Variants in GGACT observed in about 807,000 individuals in gnomAD.
The protein encoded by GGACT is gamma-glutamylamine cyclotransferase, also known as gamma-glutamylaminecyclotransferase.
For missense variants in GGACT, 241 were observed against 233.2 expected (o/e 1.03, Z -0.22); for synonymous variants, 118 against 115.3 (o/e 1.02, Z -0.15).
At position 100,530,644 on chromosome 13, in the gene GGACT, G is replaced by T; in HGVS notation, c.*1486C>A. ...AAGTGAGGCCCTCACTCCTGGTGCT[G>T]ATTTTCAAAACTTCCTAAGGACCAG... is the stretch of plus-strand genomic sequence containing the variant. On this transcript the variant is annotated 3_prime_UTR_variant, in exon 3 of 3. Transcript: ENST00000683975. The T allele has an allele frequency of 4.2e-6, 1 of 239,056 alleles. No homozygotes were observed. Among genetic ancestry groups the T allele is most frequent in the Non-Finnish European group, 8.2e-6 (1 of 121,740 alleles). The allele number at this position is 239,056 out of a possible 1,614,324, so 14.8% of individuals were successfully genotyped here. A position where few individuals can be genotyped will look rare whatever the true frequency, so the allele number is the denominator to read the frequency against.
At chr13:100,570,291 G>A (rs763328644) in intron 2 of GGACT, among the ~76,000 whole-genome samples, 2 of 152,196 alleles carry the variant, frequency 1.3e-5, no homozygotes, top group Non-Finnish European at 2.9e-5. Flanking sequence ...ATAAAAGGAA[G>A]AGGTTTAATC....
chr13:100,551,479 C>A (rs2088664238), intron 2 of GGACT, among the ~76,000 whole-genome samples: 1 of 152,196 alleles, frequency 6.6e-6, no homozygotes, highest in Non-Finnish European at 1.5e-5. Flanking sequence ...CCCCTCGGCT[C>A]CCAGGAACTT....
At position 100,531,182 on chromosome 13, in the gene GGACT, G is replaced by C. The variant is rs1207850537; in HGVS notation, c.*948C>G. 6.6e-6 allele frequency: 1 copy of C among 152,252 alleles called. No individual in the cohort carries two copies. The highest frequency in any genetic ancestry group is 2.4e-5 in the African/African-American group (1 of 41,458). The allele number at this position is 152,252 out of a possible 1,614,324, so 9.4% of individuals were successfully genotyped here. The stretch of plus-strand genomic sequence containing the variant: ...GAAGCAGAAGCAAGAGCCGTGCACC[G>C]AGTTGAATCGATGCTGACAATTATC... On this transcript the variant is annotated 3_prime_UTR_variant, in exon 3 of 3. Transcript: ENST00000683975.
intron 2 of GGACT, among the ~76,000 whole-genome samples, chr13:100,558,846 G>A (rs1224069416): frequency 1.3e-5 from 2 of 152,138 alleles, no homozygotes; most frequent in Admixed American, 6.5e-5. Flanking sequence ...GAGAGGGGAT[G>A]GAGAGAGGTT....
At chr13:100,537,982 A>T (rs2088513504) in intron 2 of GGACT, 1 of 152,236 alleles carries the variant, frequency 6.6e-6, no homozygotes, top group East Asian at 1.9e-4. Flanking sequence ...GTTTCTGAAG[A>T]AGGCTAATTC....
chr13:100,575,719 A>G (rs2153016680), intron 2 of GGACT, among the ~76,000 whole-genome samples: 1 of 152,282 alleles, frequency 6.6e-6, no homozygotes, highest in South Asian at 2.1e-4. Context: ...AGCTGTGACT[A>G]TGCCATTGCA....
intron 2 of GGACT, among the ~76,000 whole-genome samples, chr13:100,579,859 G>C (rs1351644929): frequency 6.6e-6 from 1 of 152,090 alleles, no homozygotes; most frequent in Non-Finnish European, 1.5e-5. Context: ...TTTGTCATTG[G>C]GGTGTCAGCC....
intron 2 of GGACT, among the ~76,000 whole-genome samples, chr13:100,565,643 C>T (rs796199404): frequency 2.6e-5 from 4 of 152,270 alleles, no homozygotes; most frequent in African/African-American, 9.6e-5. Flanking sequence ...TTTCTTCTTC[C>T]CCACTCAATT....
In GGACT at chr13:100,532,215, G is replaced by A. The variant is rs978763139; in HGVS notation, c.377C>T (p.Pro126Leu). The change falls in exon 3 of 3, where the codon CCG (proline) becomes CTG (leucine). Residue 126 changes from proline (P) to leucine (L), a missense_variant. Pro to Leu is a moderately conservative substitution (Grantham distance 98, BLOSUM62 -3). Transcript: ENST00000683975. ...CFVYSRATFP[P>L]EWAQLPHHDS... ...ATGGTGCGGGAGCTGGGCCCACTCCGGCGGGAAGGTGGCCCTGCTGTACAC... is the reference window on the plus strand; with the variant it reads ...ATGGTGCGGGAGCTGGGCCCACTCCAGCGGGAAGGTGGCCCTGCTGTACAC... The A allele has an allele frequency of 4.7e-6, 7 of 1,482,832 alleles. No homozygotes were observed. Among genetic ancestry groups the A allele is most frequent in the East Asian group, 2.5e-5 (1 of 40,106 alleles). 91.9% of individuals were successfully genotyped at this position (1,482,832 alleles called of 1,614,324 possible). A position where few individuals can be genotyped will look rare whatever the true frequency, so the allele number is the denominator to read the frequency against.
chr13:100,572,980 C>A (rs563596188), intron 2 of GGACT, among the ~76,000 whole-genome samples: 73 of 152,162 alleles, frequency 4.8e-4, no homozygotes, highest in African/African-American at 1.7e-3. Context: ...TTTATTAATA[C>A]CCTTGGAGAA....
At chr13:100,551,158 C>A (rs867487428) in intron 2 of GGACT, among the ~76,000 whole-genome samples, 1 of 152,016 alleles carries the variant, frequency 6.6e-6, no homozygotes, top group Non-Finnish European at 1.5e-5. Context: ...GTGGCGGGCG[C>A]CTGTGGTCCC....
In GGACT at chr13:100,540,221, G is replaced by A. The variant is rs1429534358; in HGVS notation, c.-10-7620C>T. The A allele has an allele frequency of 1.5e-5, 21 of 1,415,454 alleles. No individual in the cohort carries two copies. In the Admixed American group the frequency reaches 2.7e-4, roughly 18 times the overall value. 87.7% of individuals were successfully genotyped at this position (1,415,454 alleles called of 1,614,324 possible). ...ACGTGGCCGCGGCCCTTTTTGGCACGACCATTGTTCCTTCTTTTCTTTGTC... is the reference window on the plus strand; with the variant it reads ...ACGTGGCCGCGGCCCTTTTTGGCACAACCATTGTTCCTTCTTTTCTTTGTC... On this transcript the variant is annotated intron_variant, in intron 2 of 2. Transcript: ENST00000683975.
chr13:100,586,023 T>C (rs1247529125), intron 1 of GGACT, among the ~76,000 whole-genome samples: 1 of 152,068 alleles, frequency 6.6e-6, no homozygotes, highest in Non-Finnish European at 1.5e-5. Flanking sequence ...CAACAAATTC[T>C]TGTCTGGATG....
intron 2 of GGACT, among the ~76,000 whole-genome samples, chr13:100,556,286 A>G (rs1307262214): frequency 1.3e-5 from 2 of 152,246 alleles, no homozygotes; most frequent in African/African-American, 4.8e-5. Context: ...TTTAGGATAT[A>G]AGGCCAATAT....
At chr13:100,586,280 A>T (rs1875571707) in intron 1 of GGACT, among the ~76,000 whole-genome samples, 2 of 151,676 alleles carry the variant, frequency 1.3e-5, no homozygotes, top group Non-Finnish European at 2.9e-5. Context: ...CCAAAAAAAG[A>T]AAAAAAAAGA....
Position 100,532,232 on chromosome 13 carries a change from G to T in GGACT, c.360C>A (p.Ser120Arg). The change falls in exon 3 of 3, where the codon AGC (serine) becomes AGA (arginine). Residue 120 changes from serine to arginine, a missense_variant. Transcript: ENST00000683975. ...APTAVQCFVY[S>R]RATFPPEWAQ... Reference sequence around the variant, plus strand: ...CCCACTCCGGCGGGAAGGTGGCCCTGCTGTACACGAAGCACTGCACCGCGG... The same window carrying T: ...CCCACTCCGGCGGGAAGGTGGCCCTTCTGTACACGAAGCACTGCACCGCGG... 1 of 1,499,096 alleles carries T rather than the reference G, an allele frequency of 6.7e-7. No individual in the cohort carries two copies. The highest frequency in any genetic ancestry group is 9.0e-7 in the Non-Finnish European group (1 of 1,117,128). 92.9% of individuals were successfully genotyped at this position (1,499,096 alleles called of 1,614,324 possible). A position where few individuals can be genotyped will look rare whatever the true frequency, so the allele number is the denominator to read the frequency against.
intron 2 of GGACT, among the ~76,000 whole-genome samples, chr13:100,544,353 C>T (rs541476567): frequency 1.1e-4 from 17 of 152,222 alleles, no homozygotes; most frequent in Non-Finnish European, 1.6e-4. Flanking sequence ...CCGCGCGGCT[C>T]GGGGCAACGT....
chr13:100,556,121 T>G (rs895095294), intron 2 of GGACT, among the ~76,000 whole-genome samples: 17 of 152,140 alleles, frequency 1.1e-4, no homozygotes, highest in Non-Finnish European at 2.5e-4. Context: ...ATCCTCGAGG[T>G]TCTAGCCAGG....
At chr13:100,532,662 G>A (rs2088430346) in intron 2 of GGACT, 61 bp from the exon 3 acceptor site, 1 of 1,361,262 alleles carries the variant, frequency 7.3e-7, no homozygotes. Context: ...CTGCACCTGG[G>A]ACGTGGCTCC....
Sources: gnomAD v4.1 joint callset for allele counts (sites outside exome capture counted in the v4.1 genomes callset) on GRCh38, gnomAD v4.1.1 for gene constraint, MANE v1.5 for transcripts, NCBI Gene and HGNC (gene_info 2026-07-23, HGNC 2026-07-21) for gene names.